Variants in OSTM1 observed in about 807,000 individuals in gnomAD.
The protein encoded by OSTM1 is osteoclastogenesis associated transmembrane protein 1, also known as osteopetrosis-associated transmembrane protein 1.
A neutral mutation model predicts 35.4 loss-of-function variants in OSTM1; 26 were observed. That is an observed-to-expected ratio of 0.73 (90% CI 0.54 to 1.02). The LOEUF is 1.02. Among genes scored for constraint, OSTM1 ranks in the 50% least tolerant of loss-of-function variants. OSTM1 has a pLI of 0.00. For synonymous variants in OSTM1, 181 were observed against 165.0 expected (o/e 1.10, Z -0.75); for missense variants, 366 against 409.6 (o/e 0.89, Z 0.92).
chr6:108,050,157 A>C (rs1772051988), intron 4 of OSTM1, among the ~76,000 whole-genome samples: 1 of 152,218 alleles, frequency 6.6e-6, no homozygotes. Context: ...AGACTGTCCT[A>C]AATACTGTCC....
At chr6:108,068,598 A>G (rs1222415965) in intron 1 of OSTM1, among the ~76,000 whole-genome samples, 2 of 151,962 alleles carry the variant, frequency 1.3e-5, no homozygotes, top group Non-Finnish European at 2.9e-5. Flanking sequence ...GTATCTCTGA[A>G]ATCCACCCAT....
At chr6:108,058,475 C>G (rs1047468565) in intron 2 of OSTM1, among the ~76,000 whole-genome samples, 2 of 151,326 alleles carry the variant, frequency 1.3e-5, no homozygotes, top group African/African-American at 4.9e-5. Flanking sequence ...GTACATTTCC[C>G]TCTGGATAAA....
At chr6:108,061,101 A>T (rs530372588) in intron 2 of OSTM1, among the ~76,000 whole-genome samples, 1 of 152,202 alleles carries the variant, frequency 6.6e-6, no homozygotes, top group African/African-American at 2.4e-5. Context: ...CTCTTCAATC[A>T]TATTTATACT....
chr6:108,058,526 C>A (rs979703904), intron 2 of OSTM1, among the ~76,000 whole-genome samples: 2 of 152,216 alleles, frequency 1.3e-5, no homozygotes, highest in Non-Finnish European at 2.9e-5. Context: ...CAGTGGCTCA[C>A]GCCTGTAATC....
intron 1 of OSTM1, among the ~76,000 whole-genome samples, chr6:108,070,608 G>C (rs1772462901): frequency 6.6e-6 from 1 of 152,268 alleles, no homozygotes; most frequent in South Asian, 2.1e-4. Flanking sequence ...ACACTGGATA[G>C]GCTGGGCGTG....
At chr6:108,061,665 A>T (rs1397531399) in intron 2 of OSTM1, among the ~76,000 whole-genome samples, 1 of 151,990 alleles carries the variant, frequency 6.6e-6, no homozygotes, top group African/African-American at 2.4e-5. Flanking sequence ...AGCTGGGACT[A>T]TAGGCATTTG....
At chr6:108,067,828 T>TAAAAAAAAAAAA (rs60932026) in intron 1 of OSTM1, among the ~76,000 whole-genome samples, 1 of 77,802 alleles carries the variant, frequency 1.3e-5, no homozygotes, top group East Asian at 3.5e-4. Flanking sequence ...AGCCTCTGTC[T>TAAAAAAAAAAAA]AAAAAAAAAA....
rs1320262642 is a variant in OSTM1, at chr6:108,041,930, GTTAATAGTATTT to G, written c.*2843_*2854del. 2.0e-5 allele frequency: 3 copies of G among 152,076 alleles called. No individual in the cohort carries two copies. The highest frequency in any genetic ancestry group is 4.4e-5 in the Non-Finnish European group (3 of 68,018). 9.4% of individuals were successfully genotyped at this position (152,076 alleles called of 1,614,324 possible). A position where few individuals can be genotyped will look rare whatever the true frequency, so the allele number is the denominator to read the frequency against. ...TTTTAAATTTTAAATGGTTATATAG[GTTAATAGTATTT>G]TTTGCTTTTCAAAATTCATTGCTGG... On this transcript the variant is annotated 3_prime_UTR_variant, in exon 6 of 6. Transcript: ENST00000193322.
At chr6:108,071,460 A>ATTTTTTTTTTT (rs545759140) in intron 1 of OSTM1, among the ~76,000 whole-genome samples, 158 of 103,422 alleles carry the variant, frequency 1.5e-3, no homozygotes, top group African/African-American at 2.4e-3. Flanking sequence ...CACCCGGCTA[A>ATTTTTTTTTTT]TTTTTTTTTT....
intron 1 of OSTM1, among the ~76,000 whole-genome samples, chr6:108,066,850 C>T (rs1772388442): frequency 6.6e-6 from 1 of 152,152 alleles, no homozygotes. Flanking sequence ...GGACAGATGT[C>T]CCTTTAAAAT....
chr6:108,072,639 A>T (rs1772504804), intron 1 of OSTM1, among the ~76,000 whole-genome samples: 1 of 137,486 alleles, frequency 7.3e-6, no homozygotes, highest in African/African-American at 2.6e-5. Flanking sequence ...CTTGTCTCAG[A>T]AAAAAAAGAA....
chr6:108,058,688 G>T (rs1215196662), intron 2 of OSTM1, among the ~76,000 whole-genome samples: 1 of 152,120 alleles, frequency 6.6e-6, no homozygotes, highest in East Asian at 1.9e-4. Flanking sequence ...TGAGGCAGGA[G>T]AATGGCGTGA....
Position 108,041,695 on chromosome 6 carries a change from CTG to C in OSTM1, c.*3088_*3089del, listed in dbSNP as rs1447737702. ...TTAAGAGTTGACTATCAAAGAATGA[CTG>C]TTATAAATAAAGAGCTCTATGATGT... On this transcript the variant is annotated 3_prime_UTR_variant, in exon 6 of 6. Coordinates refer to ENST00000193322, the MANE Select transcript of OSTM1 (RefSeq NM_014028.4). 2 of 152,092 alleles carry C rather than the reference CTG, an allele frequency of 1.3e-5. No homozygotes were observed. Among genetic ancestry groups the C allele is most frequent in the African/African-American group, 2.4e-5 (1 of 41,416 alleles). 9.4% of individuals were successfully genotyped at this position (152,092 alleles called of 1,614,324 possible).
At chr6:108,049,510 A>G in intron 4 of OSTM1, 92 bp from the exon 5 acceptor site, 1 of 1,581,528 alleles carries the variant, frequency 6.3e-7, no homozygotes, top group Non-Finnish European at 8.6e-7. Context: ...ACAGGAATCT[A>G]GAATTTAGAC....
rs961435170 is a variant in OSTM1 at position 108,043,701 on chromosome 6, A to G, written c.*1084T>C. ...GCACGAACTATGTGATTTCATTTCA[A>G]TCGTATCACTTTCATCTGATTGAAA... On this transcript the variant is annotated 3_prime_UTR_variant, in exon 6 of 6. Transcript: ENST00000193322. 1.3e-5 allele frequency: 2 copies of G among 152,246 alleles called. No homozygotes were observed. The highest frequency in any genetic ancestry group is 2.4e-5 in the African/African-American group (1 of 41,464). The allele number at this position is 152,246 out of a possible 1,614,324, so 9.4% of individuals were successfully genotyped here. A position where few individuals can be genotyped will look rare whatever the true frequency, so the allele number is the denominator to read the frequency against.
Position 108,071,273 on chromosome 6 carries a change from A to G in OSTM1, c.402+2977T>C, listed in dbSNP as rs1582400292. Among the ~76,000 whole-genome samples the G allele has an allele frequency of 2.0e-5, 3 of 151,556 alleles. No homozygotes were observed. The East Asian group carries it at 5.8e-4, about 29-fold the overall frequency. ...ACAACTAATTCCTTCAAGTTCACTC[A>G]TGACACATTTTTCCATAGGTTTTTG... On this transcript the variant is annotated intron_variant, in intron 1 of 5. Transcript: ENST00000193322.
At position 108,049,416 on chromosome 6, in the gene OSTM1, C is replaced by G. The variant is rs2114591407; in HGVS notation, c.786G>C (p.Met262Ile). 4 of 1,613,302 alleles carry G rather than the reference C, an allele frequency of 2.5e-6. No individual in the cohort carries two copies. Among genetic ancestry groups the G allele is most frequent in the Non-Finnish European group, 3.4e-6 (4 of 1,179,364 alleles). The change falls in exon 5 of 6, where the codon ATG becomes ATC. Residue 262 changes from methionine (M) to isoleucine (I), a missense_variant and splice_region_variant. Transcript: ENST00000193322. ...THLCIDVEDA[M>I]NITRKLWSRT... ...GACTCCATAGTTTTCGAGTGATGTT[C>G]ATCTGGAACAAGAGCAAACAATATC... is the stretch of plus-strand genomic sequence containing the variant.
At chr6:108,051,606 C>T (rs1772075580) in intron 3 of OSTM1, among the ~76,000 whole-genome samples, 1 of 152,192 alleles carries the variant, frequency 6.6e-6, no homozygotes, top group Admixed American at 6.6e-5. Flanking sequence ...CCTACTCTCA[C>T]TGAATAAATA....
At chr6:108,048,749 CTTTTTT>C (rs575605197) in intron 5 of OSTM1, among the ~76,000 whole-genome samples, 5,248 of 111,740 alleles carry the variant, frequency 0.047, 310 homozygotes, top group Admixed American at 0.23. Context: ...TGTGTTTTAA[CTTTTTT>C]TTTTTTTTTT....
Sources: allele counts gnomAD v4.1 joint callset (sites outside exome capture counted in the v4.1 genomes callset), GRCh38; gene constraint gnomAD v4.1.1; transcripts MANE v1.5; gene names NCBI Gene and HGNC (gene_info 2026-07-23, HGNC 2026-07-21).